TAOK3: variants seen among roughly 807,000 people sequenced by gnomAD.
TAOK3 encodes the protein TAO kinase 3.
In TAOK3, 40 loss-of-function variants were observed where a neutral mutation model predicts 120.4. The observed-to-expected ratio is 0.33, with a 90% CI of 0.26 to 0.43. The LOEUF (loss-of-function observed/expected upper bound fraction) is 0.43, where lower values mean the gene tolerates loss of function less well. Among genes scored for constraint, TAOK3 ranks in the 20% least tolerant of loss-of-function variants. The pLI, the probability that TAOK3 is intolerant of heterozygous loss-of-function variation, is 1.00. For missense variants in TAOK3, 821 were observed against 1,112.1 expected (o/e 0.74, Z 3.72); for synonymous variants, 355 against 387.5 (o/e 0.92, Z 0.99).
chr12:118,371,694 C>G lies in TAOK3; in HGVS notation c.-194+954G>C, dbSNP rs2045899233. On this transcript the variant is annotated intron_variant, in intron 1 of 20. Transcript: ENST00000392533. This position sits in a 1 kb window ranked among gnomAD's most constrained non-coding sequence, Gnocchi z 5.5. ...CCCGCCGCAGCCGTTCTTGGGGGGG[C>G]TCCCGCAACTCAGCGGGCGCGACCC... 6.6e-6 allele frequency among the ~76,000 whole-genome samples: 1 copy of G among 152,108 alleles called. No homozygotes were observed. Among genetic ancestry groups the G allele is most frequent in the East Asian group, 1.9e-4 (1 of 5,170 alleles).
At chr12:118,175,334 A>G (rs1228490438) in intron 16 of TAOK3, among the ~76,000 whole-genome samples, 1 of 152,198 alleles carries the variant, frequency 6.6e-6, no homozygotes, top group Non-Finnish European at 1.5e-5. Context: ...ACAAATCAGA[A>G]TATGAGCTCA....
intron 11 of TAOK3, among the ~76,000 whole-genome samples, chr12:118,210,246 T>C (rs1270367926): frequency 3.3e-5 from 5 of 152,272 alleles, no homozygotes; most frequent in East Asian, 1.9e-4. Context: ...CTAGATTCTG[T>C]TATTGAGCAA....
Position 118,152,261 on chromosome 12 carries a change from C to G in TAOK3, c.2501G>C (p.Arg834Thr). 1.9e-6 allele frequency: 3 copies of G among 1,614,202 alleles called. No homozygotes were observed. The highest frequency in any genetic ancestry group is 2.5e-6 in the Non-Finnish European group (3 of 1,180,018). Residue 834 changes from arginine to threonine, a missense_variant, in exon 20 of 21, where the codon AGA (arginine) becomes ACA (threonine). This residue lies in a region of TAOK3 where 354 missense variants were observed against 572.1 expected (regional missense o/e 0.62). Transcript: ENST00000392533. ...HERELQKLEQRVSLRRAHLEQ... is the reference protein window; with the variant it reads ...HERELQKLEQTVSLRRAHLEQ... The stretch of plus-strand genomic sequence containing the variant: ...AAGGTGTGCTCTGCGCAGAGACACT[C>G]TCTGCTCTAGCTTCTGGAGCTCACG...
At chr12:118,304,338 A>G (rs184034970) in intron 1 of TAOK3, among the ~76,000 whole-genome samples, 1 of 152,328 alleles carries the variant, frequency 6.6e-6, no homozygotes, top group East Asian at 1.9e-4. Context: ...ACCAAGAACT[A>G]GAACCCTCAA....
At chr12:118,276,996 G>T (rs1410419576) in intron 1 of TAOK3, among the ~76,000 whole-genome samples, 1 of 152,214 alleles carries the variant, frequency 6.6e-6, no homozygotes, top group Non-Finnish European at 1.5e-5. Context: ...CAGAGTGAGA[G>T]ACTCCGTCTC....
chr12:118,193,093 C>T (rs750574189), intron 13 of TAOK3, among the ~76,000 whole-genome samples: 3 of 129,442 alleles, frequency 2.3e-5, no homozygotes, highest in Non-Finnish European at 4.7e-5. Flanking sequence ...TTCTGTTGCC[C>T]AGGCTGGAGT....
intron 1 of TAOK3, among the ~76,000 whole-genome samples, chr12:118,338,175 T>C (rs1378793289): frequency 6.6e-6 from 1 of 152,196 alleles, no homozygotes; most frequent in African/African-American, 2.4e-5. Flanking sequence ...CATTAGCTTA[T>C]GTGCTGGTGG....
At chr12:118,264,903 G>A (rs7963353) in intron 2 of TAOK3, among the ~76,000 whole-genome samples, 18,331 of 151,140 alleles carry the variant, frequency 0.12, 1,177 homozygotes, top group Middle Eastern at 0.15. Flanking sequence ...GTGTGGTGGT[G>A]CATGCCTGTA....
chr12:118,219,343 T>C (rs2039108594), intron 9 of TAOK3, among the ~76,000 whole-genome samples: 1 of 151,824 alleles, frequency 6.6e-6, no homozygotes, highest in Non-Finnish European at 1.5e-5. Flanking sequence ...CTCAAACTCA[T>C]GGGCTCAAGT....
intron 1 of TAOK3, among the ~76,000 whole-genome samples, chr12:118,348,849 T>C (rs1000580796): frequency 1.6e-4 from 24 of 150,308 alleles, no homozygotes; most frequent in Middle Eastern, 3.4e-3. Flanking sequence ...TAATTTCTTT[T>C]TTTTTTTTTT....
intron 1 of TAOK3, among the ~76,000 whole-genome samples, chr12:118,298,394 A>G (rs974200979): frequency 2.0e-5 from 3 of 152,206 alleles, no homozygotes; most frequent in Non-Finnish European, 4.4e-5. Flanking sequence ...ACTGAATTGC[A>G]AGGCTCAAGA....
At chr12:118,245,942 A>G (rs1405042151) in intron 3 of TAOK3, 1 of 549,564 alleles carries the variant, frequency 1.8e-6, no homozygotes, top group Non-Finnish European at 3.2e-6. Flanking sequence ...TCTATGTGCA[A>G]TGCAATATGA....
intron 13 of TAOK3, among the ~76,000 whole-genome samples, chr12:118,194,566 G>T (rs1231965477): frequency 1.3e-5 from 2 of 149,210 alleles, no homozygotes; most frequent in Admixed American, 1.3e-4. Flanking sequence ...GGCCACTGAA[G>T]CAAGTGAAAA....
intron 1 of TAOK3, among the ~76,000 whole-genome samples, chr12:118,300,934 C>G (rs988287207): frequency 2.6e-5 from 4 of 152,076 alleles, no homozygotes; most frequent in Non-Finnish European, 5.9e-5. Context: ...TGCCACCACG[C>G]CCGGCTAATT....
chr12:118,344,511 T>C (rs140451780), intron 1 of TAOK3, among the ~76,000 whole-genome samples: 60 of 152,184 alleles, frequency 3.9e-4, no homozygotes, highest in African/African-American at 1.4e-3. Context: ...CTAAGAAATG[T>C]GGTATCAACA....
chr12:118,151,220 G>A (rs561612755), intron 20 of TAOK3, 62 bp from the exon 21 acceptor site: 314 of 1,567,174 alleles, frequency 2.0e-4, no homozygotes, highest in Middle Eastern at 1.7e-4. Flanking sequence ...CCACGTGCAC[G>A]CGATACACCC....
intron 3 of TAOK3, 26 bp from the exon 4 acceptor site, chr12:118,244,991 G>A: frequency 2.0e-6 from 3 of 1,508,876 alleles, no homozygotes; most frequent in Admixed American, 1.8e-5. Flanking sequence ...AGAAGAAAAA[G>A]AAAAAGAATT....
At chr12:118,257,373 A>G (rs2140173737) in intron 2 of TAOK3, among the ~76,000 whole-genome samples, 1 of 152,288 alleles carries the variant, frequency 6.6e-6, no homozygotes, top group South Asian at 2.1e-4. Context: ...AAAGGACATC[A>G]TTTTGACATG....
intron 19 of TAOK3, 167 bp downstream of exon 19, chr12:118,159,979 A>G: frequency 1.6e-6 from 1 of 635,242 alleles, no homozygotes; most frequent in Non-Finnish European, 2.8e-6. Flanking sequence ...GCAAGTATCC[A>G]CATTGGCTTG....
Sources: allele counts gnomAD v4.1 joint callset (sites outside exome capture counted in the v4.1 genomes callset), GRCh38; gene constraint gnomAD v4.1.1; regional missense constraint gnomAD v4.1.1; non-coding constraint Gnocchi (gnomAD v3.1); transcripts MANE v1.5; gene names NCBI Gene and HGNC (gene_info 2026-07-23, HGNC 2026-07-21).